The following PAGE1 variants were observed in gnomAD, a reference collection of about 807,000 sequenced individuals.
The protein encoded by PAGE1 is P antigen family member 1.
PAGE1 carries 6 observed loss-of-function variants against 11.5 expected under a neutral mutation model. That is an observed-to-expected ratio of 0.52 (90% CI 0.29 to 1.03). The LOEUF is 1.03. Ranked by LOEUF, PAGE1 falls within the 50% of genes least tolerant of loss-of-function variation. PAGE1 has a pLI of 0.09. For synonymous variants in PAGE1, 42 were observed against 40.2 expected (o/e 1.05, Z -0.17); for missense variants, 120 against 110.2 (o/e 1.09, Z -0.40).
At chrX:49,695,459 C>T (rs1557142747) in intron 1 of PAGE1, among the ~76,000 whole-genome samples, 7 of 111,652 alleles carry the variant, frequency 6.3e-5, no homozygotes. Flanking sequence ...CACAGCCTTC[C>T]CAGGTTCCAG....
chrX:49,694,021 GACACACACACACACACACACACACACAC>G, intron 3 of PAGE1, 50 bp downstream of exon 3: 1 of 368,824 alleles, frequency 2.7e-6, no homozygotes, highest in Non-Finnish European at 4.6e-6. Context: ...CAATGCATGA[GACACACACACACACACACACACACACAC>G]ACACACACAC....
intron 4 of PAGE1, 60 bp downstream of exon 4, chrX:49,691,189 A>T: frequency 8.8e-7 from 1 of 1,139,712 alleles, no homozygotes; most frequent in South Asian, 2.1e-5. Context: ...GAAAAAAAAG[A>T]AAATTATAAT....
At chrX:49,690,141 ATG>A (rs781878091) in intron 4 of PAGE1, among the ~76,000 whole-genome samples, 1 of 87,489 alleles carries the variant, frequency 1.1e-5, no homozygotes, top group African/African-American at 4.5e-5. Context: ...ACACATATAT[ATG>A]TGTATATATA....
At chrX:49,689,788 A>ATATATG (rs2066905364) in intron 4 of PAGE1, among the ~76,000 whole-genome samples, 2 of 62,211 alleles carry the variant, frequency 3.2e-5, no homozygotes, top group African/African-American at 6.9e-5. Flanking sequence ...ATATACACAC[A>ATATATG]TATATATGTA....
rs1310631320 is a variant in PAGE1, at chrX:49,687,616, A to G, written c.419-53T>C. On this transcript the variant is annotated intron_variant, in intron 5 of 5. Coordinates refer to ENST00000376150, the MANE Select transcript of PAGE1 (RefSeq NM_003785.4). ...GATGATTTAGCAGCAGATTATTTAG[A>G]TGACCCAAAAGGCACACAAAGGACA... The G allele has an allele frequency of 2.7e-6, 3 of 1,105,569 alleles. No homozygotes were observed. The African/African-American group carries it at 5.5e-5, about 20-fold the overall frequency. 91.1% of individuals were successfully genotyped at this position (1,105,569 alleles called of 1,213,427 possible). A position where few individuals can be genotyped will look rare whatever the true frequency, so the allele number is the denominator to read the frequency against.
intron 4 of PAGE1, among the ~76,000 whole-genome samples, chrX:49,690,155 A>ATATATGTGT (rs1569533495): frequency 1.1e-5 from 1 of 94,276 alleles, no homozygotes; most frequent in African/African-American, 3.9e-5. Flanking sequence ...GTATATATAT[A>ATATATGTGT]ATCAATTTAA....
chrX:49,688,520 A>C (rs1557141283), intron 5 of PAGE1, among the ~76,000 whole-genome samples: 1 of 111,593 alleles, frequency 9.0e-6, no homozygotes, highest in Non-Finnish European at 1.9e-5. Flanking sequence ...ATGAAATCTC[A>C]ATTCAGAGGT....
At chrX:49,689,706 GTGTATATA>G (rs201628154) in intron 4 of PAGE1, among the ~76,000 whole-genome samples, 163 bp from the exon 5 acceptor site, 7,192 of 56,631 alleles carry the variant, frequency 0.13, 587 homozygotes, top group Middle Eastern at 0.16. Flanking sequence ...ACATATATAT[GTGTATATA>G]TGTATATATG....
chrX:49,692,378 A>G (rs1171736130), intron 3 of PAGE1, among the ~76,000 whole-genome samples: 4 of 111,269 alleles, frequency 3.6e-5, no homozygotes, highest in Non-Finnish European at 5.6e-5. Flanking sequence ...ACAATGCAGC[A>G]TTAATAAGAG....
intron 4 of PAGE1, 76 bp from the exon 5 acceptor site, chrX:49,689,619 C>CATAT (rs1243741873): frequency 2.4e-4 from 16 of 65,730 alleles, no homozygotes; most frequent in African/African-American, 2.3e-3. Flanking sequence ...TATACATATA[C>CATAT]ATATATATAT....
At chrX:49,691,468 G>A in intron 3 of PAGE1, 94 bp from the exon 4 acceptor site, 3 of 689,478 alleles carry the variant, frequency 4.4e-6, no homozygotes, top group Non-Finnish European at 6.2e-6. Flanking sequence ...TTAAATAAAA[G>A]CTTTAGGTAC....
rs1390713391 is a variant in PAGE1 at position 49,687,555 on chromosome X, G to A, written c.427C>T (p.Gln143Ter). The A allele has an allele frequency of 1.7e-6, 2 of 1,202,640 alleles. No homozygotes were observed. Among genetic ancestry groups the A allele is most frequent in the Non-Finnish European group, 1.1e-6 (1 of 890,691 alleles). The change falls in exon 6 of 6, where the codon CAA (glutamine) becomes TAA (stop). Residue 143 changes from glutamine to a stop codon, truncating the protein, a stop_gained. Coordinates refer to ENST00000376150, the MANE Select transcript of PAGE1 (RefSeq NM_003785.4). LOFTEE classifies it high-confidence loss of function. ...CGTGTCTTCTTTTAAGGCTGTGATT[G>A]CCCTTCATCTGTAACAGAAACATAA... is the stretch of plus-strand genomic sequence containing the variant. ...EVKTPEEDEG[Q>*]SQP
chrX:49,689,759 T>TATAC (rs2066904358), intron 4 of PAGE1, among the ~76,000 whole-genome samples: 1 of 64,797 alleles, frequency 1.5e-5, no homozygotes, highest in African/African-American at 6.2e-5. Flanking sequence ...TGTGTATATA[T>TATAC]ACATATATAT....
chrX:49,689,859 G>GTGTATATAT lies in PAGE1; in HGVS notation c.293-317_293-316insATATATACA, dbSNP rs2066907389. On this transcript the variant is annotated intron_variant, in intron 4 of 5. Coordinates refer to ENST00000376150, the MANE Select transcript of PAGE1 (RefSeq NM_003785.4). ...ATGTGTGTATATACACACATATATAGGTGTGTATATATGTGTATATACACA... is the reference window on the plus strand; with the variant it reads ...ATGTGTGTATATACACACATATATAGTGTATATATGTGTGTATATATGTGTATATACACA... Among the ~76,000 whole-genome samples, 4 of 46,222 alleles carry GTGTATATAT rather than the reference G, an allele frequency of 8.7e-5. 1 individual carries two copies. Among genetic ancestry groups the GTGTATATAT allele is most frequent in the African/African-American group, 5.1e-4 (4 of 7,842 alleles). The allele number at this position is 46,222 out of a possible 115,157, so 40.1% of individuals were successfully genotyped here.
intron 4 of PAGE1, 27 bp downstream of exon 4, chrX:49,691,222 A>G (rs1557142180): frequency 8.3e-7 from 1 of 1,199,808 alleles, no homozygotes. Context: ...GACACCCTAC[A>G]ATTTGCATGC....
At chrX:49,688,553 T>A (rs2066891931) in intron 5 of PAGE1, among the ~76,000 whole-genome samples, 1 of 111,827 alleles carries the variant, frequency 8.9e-6, no homozygotes, top group Non-Finnish European at 1.9e-5. Flanking sequence ...CAGGCCAGGG[T>A]TTCATGATTT....
chrX:49,692,601 C>T (rs2066924467), intron 3 of PAGE1, among the ~76,000 whole-genome samples: 1 of 95,517 alleles, frequency 1.0e-5, no homozygotes, highest in Non-Finnish European at 2.1e-5. Flanking sequence ...TATATGACAA[C>T]TACACTGAAC....
intron 4 of PAGE1, among the ~76,000 whole-genome samples, chrX:49,689,967 G>GTA (rs1481513499): frequency 3.4e-5 from 2 of 59,285 alleles, no homozygotes; most frequent in Non-Finnish European, 6.0e-5. Context: ...ATATATATGT[G>GTA]TATATATATG....
In PAGE1 at chrX:49,695,902, T is replaced by C. The variant is rs2147148761; in HGVS notation, c.-42A>G. ...CCCTGGGAGGACTGGCCTGCGGATC[T>C]ACCAGATGAGTCTCAGTAGAGGAAA... On this transcript the variant is annotated 5_prime_UTR_variant, in exon 1 of 6. Transcript: ENST00000376150. The C allele has an allele frequency of 8.9e-6, 1 of 112,474 alleles. No homozygotes were observed. The highest frequency in any genetic ancestry group is 3.7e-4 in the South Asian group (1 of 2,690). The allele number at this position is 112,474 out of a possible 1,213,427, so 9.3% of individuals were successfully genotyped here.
Sources: allele counts gnomAD v4.1 joint callset (sites outside exome capture counted in the v4.1 genomes callset), GRCh38; gene constraint gnomAD v4.1.1; transcripts MANE v1.5; gene names NCBI Gene and HGNC (gene_info 2026-07-23, HGNC 2026-07-21).